Variants in BRCA1 observed in about 807,000 individuals in gnomAD.
The protein encoded by BRCA1 is breast cancer type 1 susceptibility protein.
Under a neutral mutation model 173.7 loss-of-function variants are expected in BRCA1, and 140 were observed. The ratio of observed to expected loss-of-function variants is 0.81; its 90% CI spans 0.70 to 0.93. The LOEUF is 0.93. Among genes scored for constraint, BRCA1 ranks in the 40% least tolerant of loss-of-function variants. The pLI, the probability that BRCA1 is intolerant of heterozygous loss-of-function variation, is 0.00. For synonymous variants in BRCA1, 662 were observed against 756.0 expected (o/e 0.88, Z 2.04); for missense variants, 1,983 against 2,172.5 (o/e 0.91, Z 1.73).
chr17:43,136,174 G>A (rs2056021400), intron 1 of BRCA1, among the ~76,000 whole-genome samples: 1 of 152,154 alleles, frequency 6.6e-6, no homozygotes, highest in African/African-American at 2.4e-5. Flanking sequence ...GACTGAAACA[G>A]GCAATGAGGA....
chr17:43,071,279 T>A (rs1462882793), intron 14 of BRCA1, 41 bp from the exon 15 acceptor site: 2 of 1,596,642 alleles, frequency 1.3e-6, no homozygotes, highest in Admixed American at 3.3e-5. Context: ...CAACGATGAA[T>A]GTTGAATTAC....
rs56328013 is a variant in BRCA1, at chr17:43,115,792, G to T, written c.81-13C>A. The T allele has an allele frequency of 3.7e-5, 60 of 1,610,800 alleles. No individual in the cohort carries two copies. The African/African-American group carries it at 6.7e-4, about 18-fold the overall frequency. On this transcript the variant is annotated splice_polypyrimidine_tract_variant and intron_variant, in intron 2 of 22. Transcript: ENST00000357654. ...GATCAACTCCAGACTAGCAGGGTAG[G>T]GGGGGAGAAAAAGAAAATAAATGAG... is the stretch of plus-strand genomic sequence containing the variant.
At chr17:43,064,029 C>T in intron 16 of BRCA1, 78 bp from the exon 17 acceptor site, 2 of 1,304,136 alleles carry the variant, frequency 1.5e-6, no homozygotes, top group South Asian at 1.2e-5. Flanking sequence ...GCTAAAGAGC[C>T]TCAGTTTTTT....
intron 1 of BRCA1, among the ~76,000 whole-genome samples, chr17:43,130,966 A>G (rs1349469227): frequency 6.6e-6 from 1 of 152,228 alleles, no homozygotes; most frequent in African/African-American, 2.4e-5. Flanking sequence ...GACTTCTTCT[A>G]TGAATTTTAT....
chr17:43,045,317 C>G lies in BRCA1; in HGVS notation c.*361G>C, dbSNP rs781635052. On this transcript the variant is annotated 3_prime_UTR_variant, in exon 23 of 23. Transcript: ENST00000357654. ...GGGAAACCAGCTATTCTCTTGAGGC[C>G]AAGCCACTCTGTGCTTCCAGCCCTA... 5.3e-6 allele frequency: 3 copies of G among 563,088 alleles called. No homozygotes were observed. The highest frequency in any genetic ancestry group is 1.0e-5 in the Non-Finnish European group (3 of 296,406). The allele number at this position is 563,088 out of a possible 1,614,324, so 34.9% of individuals were successfully genotyped here.
At chr17:43,066,398 T>G (rs1030846418) in intron 16 of BRCA1, among the ~76,000 whole-genome samples, 4 of 152,124 alleles carry the variant, frequency 2.6e-5, no homozygotes, top group African/African-American at 7.2e-5. Flanking sequence ...TCTCCAGGTT[T>G]TGCCTCACTT....
intron 1 of BRCA1, among the ~76,000 whole-genome samples, chr17:43,140,789 C>G (rs1322783582): frequency 6.6e-6 from 1 of 152,164 alleles, no homozygotes; most frequent in Non-Finnish European, 1.5e-5. Flanking sequence ...TTTCCCAGCG[C>G]CAGGCACAAC....
intron 2 of BRCA1, among the ~76,000 whole-genome samples, chr17:43,121,682 T>TAA (rs2055581538): frequency 6.8e-5 from 1 of 14,650 alleles, no homozygotes; most frequent in Non-Finnish European, 1.4e-4. Context: ...AAAGTCTGTC[T>TAA]CAAAAAAAAA....
At chr17:43,097,444 C>G (rs139893476) in intron 7 of BRCA1, among the ~76,000 whole-genome samples, 155 bp from the exon 8 acceptor site, 1 of 152,122 alleles carries the variant, frequency 6.6e-6, no homozygotes, top group African/African-American at 2.4e-5. Flanking sequence ...GTATGTAATA[C>G]AGAGAAGTGG....
rs182653629 is a variant in BRCA1, at chr17:43,077,808, A to G, written c.4358-1194T>C. Among the ~76,000 whole-genome samples, 899 of 151,856 alleles carry G rather than the reference A, an allele frequency of 5.9e-3. 49 individuals are homozygous for G. Among genetic ancestry groups the G allele is most frequent in the Admixed American group, 0.054 (824 of 15,246 alleles). ...CAGTGCAATGGCATGATCTTGGCTC[A>G]CCACAACCTCTCTGCCTCCCAGGTT... is the stretch of plus-strand genomic sequence containing the variant. On this transcript the variant is annotated intron_variant, in intron 12 of 22. Coordinates refer to ENST00000357654, the MANE Select transcript of BRCA1 (RefSeq NM_007294.4).
At chr17:43,106,924 A>T (rs2054816624) in intron 3 of BRCA1, among the ~76,000 whole-genome samples, 1 of 152,192 alleles carries the variant, frequency 6.6e-6, no homozygotes, top group Non-Finnish European at 1.5e-5. Flanking sequence ...CTCACCACAA[A>T]GCTATAGTAA....
intron 2 of BRCA1, among the ~76,000 whole-genome samples, chr17:43,123,148 T>C (rs1193312727): frequency 2.0e-5 from 3 of 151,840 alleles, no homozygotes; most frequent in Non-Finnish European, 4.4e-5. Context: ...GGAGGATTGC[T>C]TGAGCCTGAC....
intron 2 of BRCA1, among the ~76,000 whole-genome samples, chr17:43,123,074 T>C (rs376944417): frequency 2.1e-4 from 31 of 144,774 alleles, no homozygotes; most frequent in African/African-American, 7.3e-4. Flanking sequence ...GAAAAAAAAA[T>C]ACAAAAATTA....
chr17:43,069,968 T>C (rs1357263332), intron 15 of BRCA1, among the ~76,000 whole-genome samples: 1 of 152,156 alleles, frequency 6.6e-6, no homozygotes, highest in African/African-American at 2.4e-5. Flanking sequence ...AGTTTCGCTC[T>C]TGTTGCCCAG....
chr17:43,141,615 C>G (rs1349876262), intron 1 of BRCA1, among the ~76,000 whole-genome samples: 1 of 151,638 alleles, frequency 6.6e-6, no homozygotes, highest in East Asian at 2.0e-4. Flanking sequence ...GAGATCGAGA[C>G]CATCTTGGTT....
Position 43,071,035 on chromosome 17 carries a change from C to T in BRCA1, c.4879G>A (p.Ala1627Thr), listed in dbSNP as rs774505084. 6.2e-7 allele frequency: 1 copy of T among 1,614,232 alleles called. No individual in the cohort carries two copies. The highest frequency in any genetic ancestry group is 1.1e-5 in the South Asian group (1 of 91,090). ...TCCCTGCTCACACTTTCTTCCATTG[C>T]ATTATACCCAGCAGTATCAGTAGTA... ...AHTTDTAGYN[A>T]MEESVSREKP... Residue 1627 changes from alanine (A) to threonine (T), a missense_variant, in exon 15 of 23, where the codon GCA becomes ACA. Physicochemically the swap from Ala to Thr is moderately conservative, Grantham distance 58. Coordinates refer to ENST00000357654, the MANE Select transcript of BRCA1 (RefSeq NM_007294.4).
chr17:43,110,083 G>T (rs920364425), intron 3 of BRCA1, among the ~76,000 whole-genome samples: 2 of 151,858 alleles, frequency 1.3e-5, no homozygotes, highest in African/African-American at 4.8e-5. Context: ...TTTAGTAGAG[G>T]CGGGGTTTCA....
chr17:43,060,200 T>C (rs1319007988), intron 18 of BRCA1, among the ~76,000 whole-genome samples: 1 of 152,032 alleles, frequency 6.6e-6, no homozygotes, highest in East Asian at 1.9e-4. Context: ...CAGCCTCCCG[T>C]GTAGCTGGGA....
intron 1 of BRCA1, among the ~76,000 whole-genome samples, chr17:43,169,325 C>A (rs1197311661): frequency 6.6e-6 from 1 of 152,116 alleles, no homozygotes; most frequent in Non-Finnish European, 1.5e-5. Context: ...CGCGCCACCA[C>A]GCCCGGCTAA....
Sources: gnomAD v4.1 joint callset for allele counts (sites outside exome capture counted in the v4.1 genomes callset) on GRCh38, gnomAD v4.1.1 for gene constraint, MANE v1.5 for transcripts, NCBI Gene and HGNC (gene_info 2026-07-23, HGNC 2026-07-21) for gene names.